The following PTS variants were observed in gnomAD, a reference collection of about 807,000 sequenced individuals.
PTS encodes the protein 6-pyruvoyltetrahydropterin synthase, also known as 6-pyruvoyl tetrahydrobiopterin synthase.
A neutral mutation model predicts 20.6 loss-of-function variants in PTS; 23 were observed. That is an observed-to-expected ratio of 1.12 (90% CI 0.80 to 1.58). The LOEUF (loss-of-function observed/expected upper bound fraction) is 1.58, where lower values mean the gene tolerates loss of function less well. PTS is among the 40% of genes most tolerant of loss of function. PTS has a pLI of 0.00. For missense variants in PTS, 186 were observed against 182.4 expected, an observed-to-expected ratio of 1.02 and a Z score of -0.11; for synonymous variants, 65 against 62.5, an observed-to-expected ratio of 1.04 and a Z score of -0.19.
At chr11:112,228,814 G>A in intron 2 of PTS, 141 bp downstream of exon 2, 1 of 771,902 alleles carries the variant, frequency 1.3e-6, no homozygotes, top group Non-Finnish European at 2.1e-6. Context: ...TGGGAGTTCA[G>A]AATGAAAGGA....
At chr11:112,227,746 C>T (rs1006297955) in intron 1 of PTS, among the ~76,000 whole-genome samples, 2 of 151,912 alleles carry the variant, frequency 1.3e-5, no homozygotes, top group African/African-American at 4.8e-5. Context: ...GGGCACCAAG[C>T]CATTCATAAG....
In PTS at chr11:112,233,313, G is replaced by A. The variant is rs1859967872; in HGVS notation, c.314+80G>A. 108 of 1,551,770 alleles carry A rather than the reference G, an allele frequency of 7.0e-5. 2 individuals carry two copies. In the South Asian group the frequency reaches 1.1e-3, roughly 16 times the overall value. On this transcript the variant is annotated intron_variant, in intron 5 of 5. Coordinates refer to ENST00000280362, the MANE Select transcript of PTS (RefSeq NM_000317.3). ...ATACTTTGATTGTTGTGTGATTTCTGAAGTTTTAATTTAATGAAATCTTTC... is the reference window on the plus strand; with the variant it reads ...ATACTTTGATTGTTGTGTGATTTCTAAAGTTTTAATTTAATGAAATCTTTC...
intron 2 of PTS, 129 bp from the exon 3 acceptor site, chr11:112,230,075 TTAAG>T (rs1280064267): frequency 2.2e-6 from 2 of 917,052 alleles, no homozygotes; most frequent in Non-Finnish European, 3.5e-6. Flanking sequence ...GGGTAAATAT[TTAAG>T]TATAGCTTTT....
rs1859974569 is a variant in PTS, at chr11:112,233,634, G to A, written c.*79G>A. On this transcript the variant is annotated 3_prime_UTR_variant, in exon 6 of 6. Coordinates refer to ENST00000280362, the MANE Select transcript of PTS (RefSeq NM_000317.3). ...TTTTGATCCCCTTGGAATATTAAGA[G>A]GTCAACACGTGATTGTTGTACGTAC... 4 of 1,597,826 alleles carry A rather than the reference G, an allele frequency of 2.5e-6. No homozygotes were observed. Among genetic ancestry groups the A allele is most frequent in the Admixed American group, 3.4e-5 (2 of 59,248 alleles).
intron 1 of PTS, 46 bp downstream of exon 1, chr11:112,226,572 C>A: frequency 6.8e-7 from 1 of 1,475,720 alleles, no homozygotes; most frequent in Non-Finnish European, 9.1e-7. Flanking sequence ...GGCGCCGGGC[C>A]CCGGAACGTC....
chr11:112,230,481 G>A, intron 3 of PTS, 145 bp from the exon 4 acceptor site: 1 of 836,076 alleles, frequency 1.2e-6, no homozygotes, highest in Non-Finnish European at 2.0e-6. Flanking sequence ...GTGCTTCCAT[G>A]CTGAGGTCAA....
chr11:112,233,678 C>G lies in PTS; in HGVS notation c.*123C>G, dbSNP rs1397947278. The G allele has an allele frequency of 4.2e-6, 6 of 1,418,872 alleles. No homozygotes were observed. The highest frequency in any genetic ancestry group is 4.6e-5 in the Admixed American group (2 of 43,920). The allele number at this position is 1,418,872 out of a possible 1,614,324, so 87.9% of individuals were successfully genotyped here. ...TACGTACACATTGTGCTCTGGAGTG[C>G]CTATTTATTGAAATCATTGTAAGAC... On this transcript the variant is annotated 3_prime_UTR_variant, in exon 6 of 6. Coordinates refer to ENST00000280362, the MANE Select transcript of PTS (RefSeq NM_000317.3).
chr11:112,231,163 A>G (rs546700829), intron 4 of PTS, among the ~76,000 whole-genome samples: 16 of 152,150 alleles, frequency 1.1e-4, no homozygotes, highest in African/African-American at 3.6e-4. Flanking sequence ...GGCATGAGCT[A>G]CTGCTCCTGG....
At chr11:112,230,525 T>C in intron 3 of PTS, 101 bp from the exon 4 acceptor site, 1 of 1,085,598 alleles carries the variant, frequency 9.2e-7, no homozygotes, top group Non-Finnish European at 1.4e-6. Flanking sequence ...AATGTGCAAA[T>C]GTGGGCACAG....
At chr11:112,226,963 A>G (rs967199636) in intron 1 of PTS, among the ~76,000 whole-genome samples, 2 of 149,880 alleles carry the variant, frequency 1.3e-5, no homozygotes, top group East Asian at 3.9e-4. Context: ...TGCCAGGAGC[A>G]TTGGCCACCA....
Position 112,230,421 on chromosome 11 carries a change from T to C in PTS, c.186+191T>C. The C allele has an allele frequency of 3.7e-6, 3 of 818,598 alleles. No individual in the cohort carries two copies. In the East Asian group the frequency reaches 7.5e-5, roughly 21 times the overall value. The allele number at this position is 818,598 out of a possible 1,614,324, so 50.7% of individuals were successfully genotyped here. On this transcript the variant is annotated intron_variant, in intron 3 of 5. Transcript: ENST00000280362. ...AAAGTGTTGTCTTTAATATGCTGTA[T>C]GTGGACAGGTAGAAGGGCTATACAA...
At chr11:112,227,671 G>GC (rs929334099) in intron 1 of PTS, among the ~76,000 whole-genome samples, 1 of 151,720 alleles carries the variant, frequency 6.6e-6, no homozygotes, top group African/African-American at 2.4e-5. Context: ...GAGGTGCCAG[G>GC]CTTTTTTTAA....
At position 112,230,226 on chromosome 11, in the gene PTS, G is replaced by A. The variant is rs1859913273; in HGVS notation, c.182G>A (p.Gly61Glu). 6.2e-7 allele frequency: 1 copy of A among 1,613,556 alleles called. No homozygotes were observed. The highest frequency in any genetic ancestry group is 8.5e-7 in the Non-Finnish European group (1 of 1,179,598). The change falls in exon 3 of 6, where the codon GGA becomes GAA. Residue 61 changes from glycine (G) to glutamate (E), a missense_variant. Physicochemically the swap from Gly to Glu is moderately conservative, Grantham distance 98. Transcript: ENST00000280362. ...HNYKVVVTVH[G>E]EIDPATGMVM... ...TCCATAGTTGTGGTGACAGTACATG[G>A]AGAGGTATGTGCAGAAAATATTTGT...
At chr11:112,226,646 C>G (rs1859869007) in intron 1 of PTS, 120 bp downstream of exon 1, 1 of 724,220 alleles carries the variant, frequency 1.4e-6, no homozygotes, top group Non-Finnish European at 2.0e-6. Context: ...GCTGCTGGGG[C>G]GACGCGCGCT....
In PTS at chr11:112,230,623, T is replaced by C; in HGVS notation, c.187-3T>C. The C allele has an allele frequency of 6.2e-7, 1 of 1,606,926 alleles. No homozygotes were observed. Among genetic ancestry groups the C allele is most frequent in the Non-Finnish European group, 8.5e-7 (1 of 1,173,442 alleles). On this transcript the variant is annotated splice_polypyrimidine_tract_variant and splice_region_variant and intron_variant, in intron 3 of 5. Coordinates refer to ENST00000280362, the MANE Select transcript of PTS (RefSeq NM_000317.3). ...GTAATATTCACCTTTGTTTATTCTT[T>C]AGATTGACCCTGCTACGGGAATGGT...
chr11:112,232,817 G>GA (rs1411454509), intron 4 of PTS, among the ~76,000 whole-genome samples: 1 of 152,154 alleles, frequency 6.6e-6, no homozygotes, highest in Non-Finnish European at 1.5e-5. Flanking sequence ...CAGTGTTATG[G>GA]AAAAATATTT....
chr11:112,226,672 GC>G, intron 1 of PTS, 146 bp downstream of exon 1: 1 of 494,938 alleles, frequency 2.0e-6, no homozygotes, highest in Non-Finnish European at 3.3e-6. Flanking sequence ...GCTTCGTGGG[GC>G]TTCGGACGGC....
At chr11:112,227,695 C>T (rs1054125870) in intron 1 of PTS, among the ~76,000 whole-genome samples, 1 of 152,026 alleles carries the variant, frequency 6.6e-6, no homozygotes, top group Non-Finnish European at 1.5e-5. Context: ...CCAGCTCGCC[C>T]ATTGACTAAT....
intron 1 of PTS, among the ~76,000 whole-genome samples, chr11:112,227,672 C>CT (rs5794785): frequency 0.012 from 1,824 of 152,010 alleles, 31 homozygotes; most frequent in African/African-American, 0.042. Context: ...AGGTGCCAGG[C>CT]TTTTTTTAAC....
Sources: gnomAD v4.1 joint callset for allele counts (sites outside exome capture counted in the v4.1 genomes callset) on GRCh38, gnomAD v4.1.1 for gene constraint, MANE v1.5 for transcripts, NCBI Gene and HGNC (gene_info 2026-07-23, HGNC 2026-07-21) for gene names.